Variants in ADAMTS12 observed in about 807,000 individuals in gnomAD.
The protein encoded by ADAMTS12 is A disintegrin and metalloproteinase with thrombospondin motifs 12.
Under a neutral mutation model 167.8 loss-of-function variants are expected in ADAMTS12, and 118 were observed. The observed-to-expected ratio is 0.70, with a 90% CI of 0.61 to 0.82. The LOEUF is 0.82. Ranked by LOEUF, ADAMTS12 falls within the 40% of genes least tolerant of loss-of-function variation. The probability of loss-of-function intolerance (pLI) is 0.00; values close to 1 mark genes in which losing one functional copy is unlikely to be tolerated. For missense variants in ADAMTS12, 1,916 were observed against 1,998.8 expected (o/e 0.96, Z 0.79); for synonymous variants, 704 against 716.9 (o/e 0.98, Z 0.29).
chr5:33,576,111 G>A lies in ADAMTS12; in HGVS notation c.3915C>T (p.Tyr1305=), dbSNP rs777891199. 2 of 1,614,184 alleles carry A rather than the reference G, an allele frequency of 1.2e-6. No individual in the cohort carries two copies. The highest frequency in any genetic ancestry group is 4.5e-5 in the East Asian group (2 of 44,886). The change falls in exon 19 of 24, where the codon TAC becomes TAT. Residue 1305 remains tyrosine (Y), a synonymous_variant. Coordinates refer to ENST00000504830, the MANE Select transcript of ADAMTS12 (RefSeq NM_030955.4). ...AGCCGTGGCCGTTTGTGAGCTGCTT[G>A]TAATTGGAGGCATTTAGCAAAAAGC... The part of the protein sequence containing the change: ...TEGFLLNASN[Y]KQLTNGHGSA...
rs139174361 is a variant in ADAMTS12, at chr5:33,786,634, T to C, written c.490-35086A>G. The stretch of plus-strand genomic sequence containing the variant: ...CCTGAGAACCTCTTCTCTTGATAGA[T>C]TGGGTCCTAGGAGTCTGTTTTCAAT... On this transcript the variant is annotated intron_variant, in intron 2 of 23. Transcript: ENST00000504830. Among the ~76,000 whole-genome samples, 737 of 152,288 alleles carry C rather than the reference T, an allele frequency of 4.8e-3. 3 individuals are homozygous for C. The highest frequency in any genetic ancestry group is 0.017 in the African/African-American group (697 of 41,556).
chr5:33,818,933 ATTTTG>A (rs1398834511), intron 2 of ADAMTS12, among the ~76,000 whole-genome samples: 1 of 151,966 alleles, frequency 6.6e-6, no homozygotes, highest in East Asian at 1.9e-4. Flanking sequence ...TAATCAAATT[ATTTTG>A]TTTTCTGCTA....
At chr5:33,671,007 A>G (rs62349646) in intron 5 of ADAMTS12, among the ~76,000 whole-genome samples, 10,454 of 145,598 alleles carry the variant, frequency 0.072, 695 homozygotes, top group East Asian at 0.3. Flanking sequence ...GATACACACA[A>G]TTTCAATGGA....
At chr5:33,769,364 C>A (rs1206764182) in intron 2 of ADAMTS12, among the ~76,000 whole-genome samples, 2 of 152,138 alleles carry the variant, frequency 1.3e-5, no homozygotes, top group Non-Finnish European at 1.5e-5. Context: ...AATGGAGGGA[C>A]CGTGCCAACC....
chr5:33,873,441 TC>T (rs1339472892), intron 2 of ADAMTS12, among the ~76,000 whole-genome samples: 1 of 152,164 alleles, frequency 6.6e-6, no homozygotes, highest in Non-Finnish European at 1.5e-5. Flanking sequence ...GAAGAGATAT[TC>T]CATGCTAATG....
intron 3 of ADAMTS12, among the ~76,000 whole-genome samples, chr5:33,709,912 TATAAAA>T (rs1304351834): frequency 1.3e-5 from 2 of 151,988 alleles, no homozygotes; most frequent in African/African-American, 4.8e-5. Flanking sequence ...GAAAATAACA[TATAAAA>T]ATAAAATATT....
In ADAMTS12 at chr5:33,877,438, T is replaced by A. The variant is rs543439063; in HGVS notation, c.489+3681A>T. Among the ~76,000 whole-genome samples the A allele has an allele frequency of 2.0e-4, 30 of 152,298 alleles. No individual in the cohort carries two copies. The South Asian group carries it at 3.3e-3, about 17-fold the overall frequency. ...AATTCACTTGGAACCAATTTGGTAG[T>A]GCTCCTGGCAACAGCAAAACCAAAC... On this transcript the variant is annotated intron_variant, in intron 2 of 23. Coordinates refer to ENST00000504830, the MANE Select transcript of ADAMTS12 (RefSeq NM_030955.4).
At chr5:33,736,424 T>G (rs1744378028) in intron 3 of ADAMTS12, among the ~76,000 whole-genome samples, 1 of 152,212 alleles carries the variant, frequency 6.6e-6, no homozygotes, top group African/African-American at 2.4e-5. Flanking sequence ...AAGTAGAAGT[T>G]CTGGTACTAA....
At chr5:33,763,183 CTTACT>C (rs906807371) in intron 2 of ADAMTS12, among the ~76,000 whole-genome samples, 3 of 152,176 alleles carry the variant, frequency 2.0e-5, no homozygotes, top group Non-Finnish European at 4.4e-5. Context: ...CTGCCAATAT[CTTACT>C]TTACTTAGCA....
chr5:33,858,405 C>T (rs146795420), intron 2 of ADAMTS12, among the ~76,000 whole-genome samples: 1 of 152,140 alleles, frequency 6.6e-6, no homozygotes, highest in Non-Finnish European at 1.5e-5. Flanking sequence ...GCCTATAATC[C>T]CAGCACTTTG....
At chr5:33,618,622 G>A (rs529131476) in intron 14 of ADAMTS12, among the ~76,000 whole-genome samples, 52 of 152,068 alleles carry the variant, frequency 3.4e-4, no homozygotes, top group Non-Finnish European at 5.7e-4. Context: ...GTCCTGGTTC[G>A]GAAGCACTCT....
chr5:33,781,587 G>C (rs952799087), intron 2 of ADAMTS12, among the ~76,000 whole-genome samples: 1 of 152,156 alleles, frequency 6.6e-6, no homozygotes, highest in African/African-American at 2.4e-5. Flanking sequence ...TCAGATAATG[G>C]AATCTGCTGA....
At chr5:33,693,335 A>G (rs1742623081) in intron 3 of ADAMTS12, among the ~76,000 whole-genome samples, 1 of 152,178 alleles carries the variant, frequency 6.6e-6, no homozygotes, top group East Asian at 1.9e-4. Context: ...AAGTAATTCC[A>G]TGCTGATGAG....
chr5:33,579,150 G>A (rs460532), intron 18 of ADAMTS12, among the ~76,000 whole-genome samples: 31,358 of 152,096 alleles, frequency 0.21, 3,306 homozygotes, highest in Non-Finnish European at 0.23. Flanking sequence ...CCCTTCTTGT[G>A]TAGGAAGATA....
chr5:33,707,067 C>T, intron 3 of ADAMTS12, among the ~76,000 whole-genome samples: 1 of 152,136 alleles, frequency 6.6e-6, no homozygotes, highest in South Asian at 2.1e-4. Context: ...ATCATCTCAG[C>T]CCAAAAACAC....
intron 16 of ADAMTS12, among the ~76,000 whole-genome samples, chr5:33,613,877 G>C (rs949843207): frequency 1.3e-5 from 2 of 152,200 alleles, no homozygotes; most frequent in African/African-American, 4.8e-5. Context: ...ATTTGGCCAT[G>C]ATTTATGGTA....
chr5:33,604,900 A>G (rs1291975738), intron 16 of ADAMTS12, among the ~76,000 whole-genome samples: 1 of 152,226 alleles, frequency 6.6e-6, no homozygotes, highest in Non-Finnish European at 1.5e-5. Flanking sequence ...TCCAAAATAC[A>G]TTTAGAGAAA....
At chr5:33,732,357 A>G (rs1744222908) in intron 3 of ADAMTS12, among the ~76,000 whole-genome samples, 1 of 152,168 alleles carries the variant, frequency 6.6e-6, no homozygotes, top group South Asian at 2.1e-4. Flanking sequence ...ACATAAGAAG[A>G]GATAAAAAAA....
At chr5:33,705,532 G>A (rs1743164853) in intron 3 of ADAMTS12, among the ~76,000 whole-genome samples, 1 of 152,026 alleles carries the variant, frequency 6.6e-6, no homozygotes, top group Non-Finnish European at 1.5e-5. Flanking sequence ...AACTAGCTGG[G>A]CCAGGCACGG....
Sources: gnomAD v4.1 joint callset for allele counts (sites outside exome capture counted in the v4.1 genomes callset) on GRCh38, gnomAD v4.1.1 for gene constraint, MANE v1.5 for transcripts, NCBI Gene and HGNC (gene_info 2026-07-23, HGNC 2026-07-21) for gene names.